Variants in SLC16A7 observed in about 807,000 individuals in gnomAD.
SLC16A7 encodes the protein solute carrier family 16 member 7, also known as monocarboxylate transporter 2.
SLC16A7 carries 33 observed loss-of-function variants against 34.9 expected under a neutral mutation model. The observed-to-expected ratio is 0.94, with a 90% CI of 0.72 to 1.26. SLC16A7 has a LOEUF of 1.26. Ranked by LOEUF, SLC16A7 falls within the 50% of genes most tolerant of loss-of-function variation. SLC16A7 has a pLI of 0.00. For missense variants in SLC16A7, 573 were observed against 578.1 expected, an observed-to-expected ratio of 0.99 and a Z score of 0.09; for synonymous variants, 201 against 206.6, an observed-to-expected ratio of 0.97 and a Z score of 0.23.
chr12:59,647,062 A>G (rs1307053434), intron 1 of SLC16A7, among the ~76,000 whole-genome samples: 5 of 152,156 alleles, frequency 3.3e-5, no homozygotes, highest in Non-Finnish European at 7.4e-5. Flanking sequence ...CTTGTCTCAG[A>G]TAAGACTATG....
At chr12:59,660,959 A>C (rs1868816838) in intron 2 of SLC16A7, among the ~76,000 whole-genome samples, 1 of 152,152 alleles carries the variant, frequency 6.6e-6, no homozygotes, top group Non-Finnish European at 1.5e-5. Context: ...TACAAATGGC[A>C]GTAAAAAGCC....
chr12:59,632,593 G>A (rs1880231849), intron 1 of SLC16A7, among the ~76,000 whole-genome samples: 1 of 151,936 alleles, frequency 6.6e-6, no homozygotes, highest in South Asian at 2.1e-4. Context: ...GGCACCTTCT[G>A]TGCCTTGCCC....
intron 1 of SLC16A7, among the ~76,000 whole-genome samples, chr12:59,611,115 C>T (rs1484410549): frequency 6.6e-6 from 1 of 152,096 alleles, no homozygotes. Context: ...AGGTATCTAC[C>T]ATTAGGACTC....
intron 1 of SLC16A7, among the ~76,000 whole-genome samples, chr12:59,625,369 T>C (rs1190996318): frequency 6.6e-6 from 1 of 151,804 alleles, no homozygotes; most frequent in African/African-American, 2.4e-5. Flanking sequence ...AAAATAAAAT[T>C]AAATTGGCTT....
intron 2 of SLC16A7, among the ~76,000 whole-genome samples, chr12:59,667,134 G>A (rs1869272364): frequency 6.6e-6 from 1 of 152,170 alleles, no homozygotes; most frequent in African/African-American, 2.4e-5. Context: ...TAACTATCAT[G>A]AGAATATCAT....
chr12:59,742,436 A>G (rs999723369), intron 3 of SLC16A7, among the ~76,000 whole-genome samples: 7 of 152,200 alleles, frequency 4.6e-5, no homozygotes, highest in African/African-American at 1.7e-4. Context: ...ATGTGGGAGA[A>G]AAGCCCACTC....
chr12:59,641,356 A>C (rs10506396), intron 1 of SLC16A7, among the ~76,000 whole-genome samples: 25,890 of 152,048 alleles, frequency 0.17, 2,841 homozygotes, highest in Non-Finnish European at 0.23. Context: ...TCCAGAGTCT[A>C]TTCTTATACA....
intron 1 of SLC16A7, among the ~76,000 whole-genome samples, chr12:59,612,419 G>T (rs1169453755): frequency 6.6e-6 from 1 of 152,128 alleles, no homozygotes; most frequent in Non-Finnish European, 1.5e-5. Flanking sequence ...GGGACCCTGG[G>T]CCCAGACCAC....
chr12:59,717,974 G>A, intron 3 of SLC16A7, among the ~76,000 whole-genome samples: 1 of 152,096 alleles, frequency 6.6e-6, no homozygotes, highest in African/African-American at 2.4e-5. Flanking sequence ...TCCCTTAGGA[G>A]GGGCAGTAAT....
intron 1 of SLC16A7, among the ~76,000 whole-genome samples, chr12:59,615,720 G>T (rs914034964): frequency 6.6e-6 from 1 of 152,204 alleles, no homozygotes; most frequent in African/African-American, 2.4e-5. Context: ...TCAGAAATCT[G>T]TTATTGGCCT....
At chr12:59,754,400 C>T (rs1880016583) in intron 3 of SLC16A7, among the ~76,000 whole-genome samples, 3 of 151,716 alleles carry the variant, frequency 2.0e-5, no homozygotes, top group Admixed American at 6.6e-5. Context: ...ATCAAATAGA[C>T]GCAATAAAAA....
intron 3 of SLC16A7, among the ~76,000 whole-genome samples, chr12:59,748,118 G>A (rs538412381): frequency 9.2e-5 from 14 of 152,118 alleles, no homozygotes; most frequent in Non-Finnish European, 1.6e-4. Context: ...CAGGAGAATC[G>A]CAAGGGTTAA....
chr12:59,627,453 T>A (rs1474026938), intron 1 of SLC16A7, among the ~76,000 whole-genome samples: 1 of 151,762 alleles, frequency 6.6e-6, no homozygotes, highest in Non-Finnish European at 1.5e-5. Flanking sequence ...TTTTTATTTA[T>A]TAGTCTTTTC....
intron 2 of SLC16A7, among the ~76,000 whole-genome samples, chr12:59,695,404 G>A (rs1484874384): frequency 6.6e-6 from 1 of 152,030 alleles, no homozygotes; most frequent in African/African-American, 2.4e-5. Flanking sequence ...GACCAGAGCT[G>A]ATGTATGAGC....
chr12:59,725,577 A>T (rs1876132463), intron 3 of SLC16A7, among the ~76,000 whole-genome samples: 2 of 152,156 alleles, frequency 1.3e-5, no homozygotes, highest in Non-Finnish European at 2.9e-5. Flanking sequence ...ATTTTAAATG[A>T]CTTCTTTACT....
At position 59,732,016 on chromosome 12, in the gene SLC16A7, C is replaced by T. The variant is rs150249040; in HGVS notation, c.217+26998C>T. On this transcript the variant is annotated intron_variant, in intron 3 of 5. Transcript: ENST00000547379. ...GCTGTGAGTGGTTGAATGGGATAAA[C>T]AAAAGTGTGAAGGTCTTTATACAAT... Among the ~76,000 whole-genome samples the T allele has an allele frequency of 1.1e-3, 169 of 151,928 alleles. 2 individuals carry two copies. Among genetic ancestry groups the T allele is most frequent in the African/African-American group, 4.0e-3 (165 of 41,436 alleles).
chr12:59,714,513 GTCTTT>G (rs751852044), intron 3 of SLC16A7, among the ~76,000 whole-genome samples: 1 of 151,710 alleles, frequency 6.6e-6, no homozygotes, highest in Non-Finnish European at 1.5e-5. Flanking sequence ...TCCTCACATG[GTCTTT>G]TCTTTGCATG....
chr12:59,731,530 T>C (rs970139093), intron 3 of SLC16A7, among the ~76,000 whole-genome samples: 2 of 152,228 alleles, frequency 1.3e-5, no homozygotes, highest in African/African-American at 4.8e-5. Flanking sequence ...CTTTTCTCTG[T>C]ATAGCTTCAA....
In SLC16A7 at chr12:59,647,183, G is replaced by A. The variant is rs535507687; in HGVS notation, c.-129-7969G>A. On this transcript the variant is annotated intron_variant, in intron 1 of 5. Coordinates refer to ENST00000547379, the MANE Select transcript of SLC16A7 (RefSeq NM_001270623.2). ...GACATAAGATTTGGGAGGGGCTGGGGGTGGAATGATATGGTTGGCTGTGTC... is the reference window on the plus strand; with the variant it reads ...GACATAAGATTTGGGAGGGGCTGGGAGTGGAATGATATGGTTGGCTGTGTC... Among the ~76,000 whole-genome samples, 5 of 152,182 alleles carry A rather than the reference G, an allele frequency of 3.3e-5. No homozygotes were observed. The South Asian group carries it at 1.0e-3, about 32-fold the overall frequency.
Sources: allele counts gnomAD v4.1 joint callset (sites outside exome capture counted in the v4.1 genomes callset), GRCh38; gene constraint gnomAD v4.1.1; transcripts MANE v1.5; gene names NCBI Gene and HGNC (gene_info 2026-07-23, HGNC 2026-07-21).